GARIN5A: variants seen among roughly 807,000 people sequenced by gnomAD.
The protein encoded by GARIN5A is Golgi-associated RAB2 interactor protein 5A.
chr19:50,476,235 G>A, the GARIN5A span: 1 of 1,613,502 alleles, frequency 6.2e-7, no homozygotes, highest in South Asian at 1.1e-5. Context: ...GGACGGAGGA[G>A]CAGAGGGAGA....
the GARIN5A span, chr19:50,475,636 C>A: frequency 1.4e-6 from 1 of 705,334 alleles, no homozygotes; most frequent in Non-Finnish European, 2.3e-6. Flanking sequence ...GTCAGGGAAA[C>A]TGAGGCAAGG....
the GARIN5A span, chr19:50,475,804 G>A: frequency 1.3e-6 from 2 of 1,508,048 alleles, no homozygotes; most frequent in South Asian, 1.1e-5. Context: ...GGCCGAGGCT[G>A]GGGATGAGGG....
chr19:50,474,634 C>T, the GARIN5A span, among the ~76,000 whole-genome samples: 1 of 152,068 alleles, frequency 6.6e-6, no homozygotes, highest in African/African-American at 2.4e-5. Context: ...CGTGAGCCAC[C>T]GCACCCGGCC....
the GARIN5A span, among the ~76,000 whole-genome samples, chr19:50,471,858 A>G: frequency 1.3e-5 from 2 of 151,906 alleles, no homozygotes; most frequent in Non-Finnish European, 2.9e-5. Flanking sequence ...ACGCATACAT[A>G]CATGTGTATA....
the GARIN5A span, chr19:50,467,820 G>C: frequency 5.6e-6 from 9 of 1,613,040 alleles, no homozygotes; most frequent in East Asian, 2.0e-4. Flanking sequence ...CGAACTTCAA[G>C]GGGAACAGCC....
the GARIN5A span, among the ~76,000 whole-genome samples, chr19:50,468,509 T>A: frequency 6.6e-6 from 1 of 151,876 alleles, no homozygotes; most frequent in Non-Finnish European, 1.5e-5. Context: ...CTTAGCTACA[T>A]CCCCCTCTTG....
At chr19:50,468,879 C>T in the GARIN5A span, among the ~76,000 whole-genome samples, 2 of 152,180 alleles carry the variant, frequency 1.3e-5, no homozygotes, top group Non-Finnish European at 2.9e-5. Flanking sequence ...GGATTATAGG[C>T]ATGAGCCACC....
chr19:50,474,951 C>T, the GARIN5A span, among the ~76,000 whole-genome samples: 2 of 152,196 alleles, frequency 1.3e-5, no homozygotes, highest in Non-Finnish European at 2.9e-5. Context: ...TCCCGGCTCT[C>T]TGAGCCTCAG....
chr19:50,473,163 G>T, the GARIN5A span, among the ~76,000 whole-genome samples: 1 of 152,126 alleles, frequency 6.6e-6, no homozygotes, highest in Admixed American at 6.5e-5. Context: ...AGTACATGCA[G>T]GTCAAAATCT....
the GARIN5A span, chr19:50,476,219 G>T: frequency 6.2e-7 from 1 of 1,613,690 alleles, no homozygotes; most frequent in Non-Finnish European, 8.5e-7. Flanking sequence ...CCCGTCCGAC[G>T]GGAGCGGACG....
chr19:50,471,847 T>G, the GARIN5A span, among the ~76,000 whole-genome samples: 3 of 150,692 alleles, frequency 2.0e-5, no homozygotes, highest in Non-Finnish European at 4.4e-5. Context: ...TCTGTGTGCA[T>G]ACGCATACAT....
At chr19:50,476,702 G>A in the GARIN5A span, 1 of 1,271,810 alleles carries the variant, frequency 7.9e-7, no homozygotes, top group Non-Finnish European at 1.1e-6. Context: ...GTCTACGGAT[G>A]TCGCAGGTCT....
chr19:50,473,914 GA>G, the GARIN5A span, among the ~76,000 whole-genome samples: 3 of 152,120 alleles, frequency 2.0e-5, 1 homozygote, highest in African/African-American at 7.2e-5. Flanking sequence ...TTGAACCCAG[GA>G]GGCAGAGGTT....
the GARIN5A span, among the ~76,000 whole-genome samples, chr19:50,469,603 G>A: frequency 2.0e-5 from 3 of 152,134 alleles, no homozygotes; most frequent in Non-Finnish European, 2.9e-5. Flanking sequence ...TAAATTGATT[G>A]CTCAGGCCCG....
At chr19:50,467,852 C>G in the GARIN5A span, 1 of 1,609,586 alleles carries the variant, frequency 6.2e-7, no homozygotes, top group Non-Finnish European at 8.5e-7. Flanking sequence ...AAGGGGCGGC[C>G]TCAGGTTCTG....
chr19:50,476,704 C>G, the GARIN5A span: 4 of 1,258,900 alleles, frequency 3.2e-6, no homozygotes, highest in Non-Finnish European at 3.2e-6. Context: ...CTACGGATGT[C>G]GCAGGTCTTG....
the GARIN5A span, among the ~76,000 whole-genome samples, chr19:50,471,425 T>C: frequency 1.3e-5 from 2 of 152,106 alleles, no homozygotes; most frequent in South Asian, 4.1e-4. Flanking sequence ...CCCATCATCA[T>C]GTCTGGCTAA....
At chr19:50,472,209 C>A in the GARIN5A span, among the ~76,000 whole-genome samples, 4 of 117,270 alleles carry the variant, frequency 3.4e-5, no homozygotes, top group African/African-American at 1.6e-4. Context: ...CATGTATATA[C>A]ATGTGTGTAT....
the GARIN5A span, among the ~76,000 whole-genome samples, chr19:50,471,809 TAC>T: frequency 6.7e-6 from 1 of 149,090 alleles, no homozygotes; most frequent in Non-Finnish European, 1.5e-5. Context: ...TGTATACGCA[TAC>T]ATACCTGTGT....
Sources: allele counts gnomAD v4.1 joint callset (sites outside exome capture counted in the v4.1 genomes callset), GRCh38; gene constraint gnomAD v4.1.1; transcripts MANE v1.5; gene names NCBI Gene and HGNC (gene_info 2026-07-23, HGNC 2026-07-21).